Variants in SLC22A16 observed in about 807,000 individuals in gnomAD.
SLC22A16 encodes solute carrier family 22 member 16.
Under a neutral mutation model 52.9 loss-of-function variants are expected in SLC22A16, and 53 were observed. The observed-to-expected ratio is 1.00, with a 90% confidence interval of 0.80 to 1.26. SLC22A16 has a LOEUF of 1.26. Ranked by LOEUF, SLC22A16 falls within the 50% of genes most tolerant of loss-of-function variation. SLC22A16 has a pLI of 0.00. For synonymous variants in SLC22A16, 291 were observed against 268.8 expected (o/e 1.08, Z -0.81); for missense variants, 726 against 704.0 (o/e 1.03, Z -0.35).
chr6:110,428,494 T>C (rs948670489), intron 7 of SLC22A16, among the ~76,000 whole-genome samples: 2 of 152,242 alleles, frequency 1.3e-5, no homozygotes, highest in African/African-American at 4.8e-5. Context: ...CCCAGCTCTG[T>C]CACCTTTAAG....
intron 2 of SLC22A16, chr6:110,453,604 G>A (rs1285219370): frequency 4.4e-6 from 2 of 456,166 alleles, no homozygotes; most frequent in Non-Finnish European, 4.4e-6. Context: ...GAGTCCAGAT[G>A]ACACTTCACA....
At chr6:110,440,575 C>A (rs1340903307) in intron 4 of SLC22A16, among the ~76,000 whole-genome samples, 4 of 152,076 alleles carry the variant, frequency 2.6e-5, no homozygotes, top group African/African-American at 4.8e-5. Flanking sequence ...GTCAGGAGTT[C>A]GAGACCAGCC....
At chr6:110,454,084 C>T (rs907168604) in intron 2 of SLC22A16, among the ~76,000 whole-genome samples, 1 of 152,192 alleles carries the variant, frequency 6.6e-6, no homozygotes, top group Non-Finnish European at 1.5e-5. Context: ...CCAAACACCT[C>T]CCACTAGGCC....
At chr6:110,434,096 C>T (rs1275111455) in intron 6 of SLC22A16, among the ~76,000 whole-genome samples, 3 of 152,074 alleles carry the variant, frequency 2.0e-5, no homozygotes, top group East Asian at 1.9e-4. Context: ...AAAAATTAGC[C>T]GGGCATGGTG....
chr6:110,456,669 G>C lies in SLC22A16; in HGVS notation c.402C>G (p.Asn134Lys). The C allele has an allele frequency of 1.2e-6, 2 of 1,614,150 alleles. No individual in the cohort carries two copies. Among genetic ancestry groups the C allele is most frequent in the Non-Finnish European group, 1.7e-6 (2 of 1,180,038 alleles). Reference protein sequence around the residue: ...PCVDGYIYDQNTWKSTAVTQW... With the variant: ...PCVDGYIYDQKTWKSTAVTQW... Reference sequence around the variant, plus strand: ...GGGTCACCGCAGTGCTTTTCCATGTGTTCTGGTCATATATGTAGCCATCCA... The same window carrying C: ...GGGTCACCGCAGTGCTTTTCCATGTCTTCTGGTCATATATGTAGCCATCCA... Residue 134 changes from asparagine (N) to lysine (K), a missense_variant, in exon 2 of 8, where the codon AAC becomes AAG. Asn to Lys is a moderately conservative substitution (Grantham distance 94). Transcript: ENST00000368919.
Position 110,435,945 on chromosome 6 carries a change from C to G in SLC22A16, c.1328G>C (p.Gly443Ala), listed in dbSNP as rs1179982352. Residue 443 changes from glycine (G) to alanine (A), a missense_variant, in exon 6 of 8, where the codon GGT (glycine) becomes GCT (alanine). Coordinates refer to ENST00000368919, the MANE Select transcript of SLC22A16 (RefSeq NM_033125.4). Reference sequence around the variant, plus strand: ...TTTTCCAACCATAGCTGTCACCACACCCAAAATATAATGTTTCTGAAAAAA... The same window carrying G: ...TTTTCCAACCATAGCTGTCACCACAGCCAAAATATAATGTTTCTGAAAAAA... ...MVIPQKHYIL[G>A]VVTAMVGKFA... 1 of 1,613,362 alleles carries G rather than the reference C, an allele frequency of 6.2e-7. No individual in the cohort carries two copies. Among genetic ancestry groups the G allele is most frequent in the South Asian group, 1.1e-5 (1 of 90,938 alleles).
At chr6:110,475,762 C>G (rs1776442901) in intron 1 of SLC22A16, among the ~76,000 whole-genome samples, 2 of 152,144 alleles carry the variant, frequency 1.3e-5, no homozygotes, top group African/African-American at 4.8e-5. Flanking sequence ...CACTCTGAGT[C>G]AGATAGAGGA....
intron 5 of SLC22A16, among the ~76,000 whole-genome samples, chr6:110,436,952 A>C (rs1774759155): frequency 6.6e-6 from 1 of 152,096 alleles, no homozygotes; most frequent in Non-Finnish European, 1.5e-5. Context: ...CTGATGTGTT[A>C]AGGACAGCAG....
intron 1 of SLC22A16, among the ~76,000 whole-genome samples, chr6:110,466,648 A>C (rs1052655311): frequency 2.0e-5 from 3 of 152,164 alleles, no homozygotes; most frequent in African/African-American, 7.2e-5. Context: ...GACTGTGGAG[A>C]AAAGGGAACA....
intron 1 of SLC22A16, among the ~76,000 whole-genome samples, chr6:110,471,608 A>C (rs1030340076): frequency 2.6e-5 from 4 of 152,268 alleles, no homozygotes; most frequent in African/African-American, 9.6e-5. Context: ...AGTGTGGAAC[A>C]AAAGAAGCCA....
intron 7 of SLC22A16, chr6:110,425,408 T>C (rs1738000583): frequency 7.6e-7 from 1 of 1,320,608 alleles, no homozygotes; most frequent in African/African-American, 1.5e-5. Flanking sequence ...AAAAAGACAC[T>C]TACCCCATCT....
At chr6:110,452,782 A>G (rs893782207) in intron 2 of SLC22A16, among the ~76,000 whole-genome samples, 12 of 152,182 alleles carry the variant, frequency 7.9e-5, no homozygotes, top group African/African-American at 2.9e-4. Context: ...GCATTCTTCT[A>G]TTTTTAGTTT....
At chr6:110,449,466 G>A (rs1775293266) in intron 2 of SLC22A16, among the ~76,000 whole-genome samples, 1 of 152,016 alleles carries the variant, frequency 6.6e-6, no homozygotes, top group South Asian at 2.1e-4. Context: ...ATCTCTTGTT[G>A]CTGTTGTAAT....
chr6:110,442,380 C>T lies in SLC22A16; in HGVS notation c.1047G>A (p.Leu349=). ...TTTTCGTAATGCTCCAGTTATAAAA[C>T]AGATATGATAGGTTGTGCTTCTGAA... ...TEVQKHNLSY[L]FYNWSITKRT... Residue 349 remains leucine, a synonymous_variant, in exon 4 of 8, where the codon CTG becomes CTA. Transcript: ENST00000368919. 1.2e-6 allele frequency: 2 copies of T among 1,614,188 alleles called. No individual in the cohort carries two copies. Among genetic ancestry groups the T allele is most frequent in the Non-Finnish European group, 1.7e-6 (2 of 1,180,042 alleles).
intron 5 of SLC22A16, among the ~76,000 whole-genome samples, chr6:110,438,058 G>T (rs148169279): frequency 6.6e-6 from 1 of 152,052 alleles, no homozygotes; most frequent in African/African-American, 2.4e-5. Flanking sequence ...CCTCCGAGAG[G>T]TGCACCATCC....
At chr6:110,430,100 G>T (rs535704800) in intron 7 of SLC22A16, among the ~76,000 whole-genome samples, 34 of 152,106 alleles carry the variant, frequency 2.2e-4, no homozygotes, top group African/African-American at 7.5e-4. Flanking sequence ...TGCCTTCTGT[G>T]CTACCCAGAC....
Position 110,456,654 on chromosome 6 carries a change from A to T in SLC22A16, c.417T>A (p.Thr139=), listed in dbSNP as rs2114990157. ...AGACCAGGTTCCACTGGGTCACCGCAGTGCTTTTCCATGTGTTCTGGTCAT... is the reference window on the plus strand; with the variant it reads ...AGACCAGGTTCCACTGGGTCACCGCTGTGCTTTTCCATGTGTTCTGGTCAT... ...YIYDQNTWKS[T]AVTQWNLVCD... Residue 139 remains threonine (T), a synonymous_variant, in exon 2 of 8, where the codon ACT becomes ACA. Coordinates refer to ENST00000368919, the MANE Select transcript of SLC22A16 (RefSeq NM_033125.4). The T allele has an allele frequency of 6.2e-7, 1 of 1,614,180 alleles. No homozygotes were observed. Among genetic ancestry groups the T allele is most frequent in the Admixed American group, 1.7e-5 (1 of 60,012 alleles).
chr6:110,433,534 T>G (rs930011010), intron 6 of SLC22A16, among the ~76,000 whole-genome samples: 3 of 152,230 alleles, frequency 2.0e-5, no homozygotes, highest in African/African-American at 7.2e-5. Flanking sequence ...TGGTGTTATA[T>G]GGACTTATCT....
At chr6:110,464,319 A>G (rs1365219699) in intron 1 of SLC22A16, among the ~76,000 whole-genome samples, 1 of 152,026 alleles carries the variant, frequency 6.6e-6, no homozygotes, top group Non-Finnish European at 1.5e-5. Context: ...TCTCAATTAA[A>G]TTGAAACCAA....
Sources: allele counts gnomAD v4.1 joint callset (sites outside exome capture counted in the v4.1 genomes callset), GRCh38; gene constraint gnomAD v4.1.1; transcripts MANE v1.5; gene names NCBI Gene and HGNC (gene_info 2026-07-23, HGNC 2026-07-21).